XKR9: variants seen among roughly 807,000 people sequenced by gnomAD.
The protein encoded by XKR9 is XK-related protein 9.
A neutral mutation model predicts 32.0 loss-of-function variants in XKR9; 32 were observed. The ratio of observed to expected loss-of-function variants is 1.00; its 90% confidence interval spans 0.76 to 1.34. The LOEUF is 1.34. XKR9 is among the 40% of genes most tolerant of loss of function. The pLI, the probability that XKR9 is intolerant of heterozygous loss-of-function variation, is 0.00. For missense variants in XKR9, 546 were observed against 429.7 expected, an observed-to-expected ratio of 1.27 and a Z score of -2.39; for synonymous variants, 168 against 143.4, an observed-to-expected ratio of 1.17 and a Z score of -1.22.
the XKR9 span, among the ~76,000 whole-genome samples, chr8:71,000,934 A>G: frequency 6.6e-6 from 1 of 152,230 alleles, no homozygotes; most frequent in Non-Finnish European, 1.5e-5. Flanking sequence ...AAGAGTTAGC[A>G]TAGAAAGAAG....
the XKR9 span, among the ~76,000 whole-genome samples, chr8:70,920,220 A>G: frequency 2.0e-5 from 3 of 152,330 alleles, no homozygotes; most frequent in South Asian, 4.1e-4. Flanking sequence ...TTAGGAATAC[A>G]TGTTTTTAAA....
chr8:70,681,958 A>G (rs1015215738), intron 3 of XKR9, among the ~76,000 whole-genome samples: 6 of 152,134 alleles, frequency 3.9e-5, no homozygotes, highest in African/African-American at 1.4e-4. Context: ...TGAATGTATT[A>G]AAAAAATTCC....
chr8:70,673,784 A>C (rs543770717), intron 1 of XKR9, among the ~76,000 whole-genome samples: 228 of 151,598 alleles, frequency 1.5e-3, no homozygotes, highest in African/African-American at 5.3e-3. Context: ...AAAGATACAA[A>C]ATTAAGTCTT....
chr8:70,826,210 G>T, the XKR9 span, among the ~76,000 whole-genome samples: 2 of 152,056 alleles, frequency 1.3e-5, no homozygotes, highest in African/African-American at 4.8e-5. Context: ...GGCTTCAAAA[G>T]TTTTGACTGG....
At chr8:70,826,122 C>T in the XKR9 span, among the ~76,000 whole-genome samples, 1 of 152,000 alleles carries the variant, frequency 6.6e-6, no homozygotes, top group Admixed American at 6.6e-5. Flanking sequence ...TCTTTGTTTT[C>T]CAAGGGAAGA....
the XKR9 span, among the ~76,000 whole-genome samples, chr8:70,862,306 C>A: frequency 6.6e-6 from 1 of 152,296 alleles, no homozygotes; most frequent in East Asian, 1.9e-4. Context: ...CCCACATAGT[C>A]TCTTATAAGT....
chr8:70,869,742 A>G, the XKR9 span, among the ~76,000 whole-genome samples: 4 of 152,216 alleles, frequency 2.6e-5, no homozygotes, highest in African/African-American at 9.6e-5. Flanking sequence ...TCAGTTTTGC[A>G]TATTAGACTA....
chr8:70,894,809 A>T, the XKR9 span, among the ~76,000 whole-genome samples: 2 of 151,922 alleles, frequency 1.3e-5, no homozygotes, highest in Non-Finnish European at 2.9e-5. Context: ...CTGCTTGCCT[A>T]TGAGGAAGCT....
the XKR9 span, among the ~76,000 whole-genome samples, chr8:70,935,155 A>G: frequency 7.0e-5 from 10 of 142,352 alleles, no homozygotes; most frequent in African/African-American, 2.6e-4. Flanking sequence ...ATATATACAT[A>G]TATATACATA....
At chr8:70,784,995 G>A (rs1807664124) in intron 2 of XKR9, among the ~76,000 whole-genome samples, 1 of 151,718 alleles carries the variant, frequency 6.6e-6, no homozygotes, top group Non-Finnish European at 1.5e-5. Context: ...TTAATGTGAT[G>A]TATCACATTT....
intron 4 of XKR9, among the ~76,000 whole-genome samples, chr8:70,732,799 A>T (rs1486913167): frequency 5.9e-5 from 9 of 152,194 alleles, no homozygotes; most frequent in Non-Finnish European, 1.3e-4. Flanking sequence ...AAATTTTTGT[A>T]AATCTGCCTT....
At chr8:70,836,620 T>G in the XKR9 span, among the ~76,000 whole-genome samples, 2 of 152,022 alleles carry the variant, frequency 1.3e-5, no homozygotes, top group South Asian at 2.1e-4. Context: ...TATTTGGGGT[T>G]TTTTTTTGCT....
the XKR9 span, among the ~76,000 whole-genome samples, chr8:70,857,111 A>G: frequency 2.0e-4 from 30 of 152,356 alleles, no homozygotes; most frequent in African/African-American, 7.0e-4. Context: ...GAAGGCAAGA[A>G]ATAACTAAGA....
intron 3 of XKR9, among the ~76,000 whole-genome samples, chr8:70,691,739 T>C (rs1401926694): frequency 6.6e-6 from 1 of 152,176 alleles, no homozygotes; most frequent in Admixed American, 6.5e-5. Flanking sequence ...TGTGGCCTTA[T>C]TTTGGGCTCA....
intron 2 of XKR9, among the ~76,000 whole-genome samples, chr8:70,678,816 A>G (rs1261265839): frequency 1.3e-5 from 2 of 152,238 alleles, no homozygotes; most frequent in Non-Finnish European, 2.9e-5. Context: ...CAAAATACTT[A>G]TAAGTGATAA....
At chr8:70,744,324 C>A (rs1328741707) in intron 2 of XKR9, among the ~76,000 whole-genome samples, 3 of 151,272 alleles carry the variant, frequency 2.0e-5, no homozygotes, top group East Asian at 1.9e-4. Context: ...AAAAAAAAAT[C>A]TTTCTGTAAT....
At chr8:70,700,566 G>A (rs1029072278) in intron 3 of XKR9, among the ~76,000 whole-genome samples, 2 of 152,190 alleles carry the variant, frequency 1.3e-5, no homozygotes, top group Admixed American at 1.3e-4. Context: ...AGAGTACCCA[G>A]CCATGTGAGG....
intron 2 of XKR9, among the ~76,000 whole-genome samples, chr8:70,676,539 C>A (rs539816270): frequency 6.6e-6 from 1 of 152,092 alleles, no homozygotes; most frequent in Non-Finnish European, 1.5e-5. Context: ...TTATCAGATC[C>A]GCCGTATGTA....
At chr8:70,701,147 G>A (rs542673082) in intron 3 of XKR9, among the ~76,000 whole-genome samples, 38 of 152,186 alleles carry the variant, frequency 2.5e-4, no homozygotes, top group Non-Finnish European at 4.4e-4. Flanking sequence ...CCCGAGTGAG[G>A]CAATGCCTCG....
Sources: allele counts gnomAD v4.1 joint callset (sites outside exome capture counted in the v4.1 genomes callset), GRCh38; gene constraint gnomAD v4.1.1; transcripts MANE v1.5; gene names NCBI Gene and HGNC (gene_info 2026-07-23, HGNC 2026-07-21).